Variants in PLEC observed in about 807,000 individuals in gnomAD.
PLEC encodes the protein hemidesmosomal protein 1.
PLEC carries 216 observed loss-of-function variants against 392.8 expected under a neutral mutation model. The ratio of observed to expected loss-of-function variants is 0.55; its 90% confidence interval spans 0.49 to 0.62. The LOEUF is 0.62. Among genes scored for constraint, PLEC ranks in the 20% least tolerant of loss-of-function variants. The pLI is 0.00. For synonymous variants in PLEC, 3,621 were observed against 2,980.6 expected, an observed-to-expected ratio of 1.21 and a Z score of -7.00; for missense variants, 6,863 against 6,563.4, an observed-to-expected ratio of 1.05 and a Z score of -1.58.
chr8:143,938,445 G>A (rs1269052596), intron 2 of PLEC, 186 bp downstream of exon 2: 43 of 1,541,074 alleles, frequency 2.8e-5, no homozygotes, highest in Non-Finnish European at 3.6e-5. Context: ...AAGACCAGAA[G>A]GAAGAGGAGG....
upstream of PLEC, chr8:143,953,718 G>A (rs1554738140): frequency 1.2e-6 from 2 of 1,611,010 alleles, no homozygotes; most frequent in Non-Finnish European, 1.7e-6. Flanking sequence ...CCGGCCCCAG[G>A]ACCGCACCTT....
Position 143,924,146 on chromosome 8 carries a change from A to G in PLEC, c.5783T>C (p.Leu1928Pro). ...CTTCTCGAAGCTCGCCTTCAGCGCC[A>G]GGATCTCCTCCTCCACCTGCCGCCG... ...RQRRQVEEEI[L>P]ALKASFEKAA... The change falls in exon 31 of 32, where the codon CTG becomes CCG. Residue 1928 changes from leucine (L) to proline (P), a missense_variant. Transcript: ENST00000345136. The G allele has an allele frequency of 6.3e-7, 1 of 1,598,614 alleles. No homozygotes were observed. The highest frequency in any genetic ancestry group is 8.5e-7 in the Non-Finnish European group (1 of 1,179,404).
At position 143,925,037 on chromosome 8, in the gene PLEC, A is replaced by C; in HGVS notation, c.4892T>G (p.Leu1631Arg). The change falls in exon 31 of 32, where the codon CTG becomes CGG. Residue 1631 changes from leucine to arginine, a missense_variant. By Grantham distance (102) the Leu-to-Arg change is moderately radical. Transcript: ENST00000345136. ...ERAREEAERE[L>R]ERWQLKANEA... ...GTTGGCCTTGAGCTGCCAGCGCTCC[A>C]GCTCCCGCTCTGCCTCCTCGCGCGC... is the stretch of plus-strand genomic sequence containing the variant. The C allele has an allele frequency of 6.4e-7, 1 of 1,559,658 alleles. No homozygotes were observed. Among genetic ancestry groups the C allele is most frequent in the Non-Finnish European group, 8.6e-7 (1 of 1,160,480 alleles).
chr8:143,920,064 C>G lies in PLEC; in HGVS notation c.9757G>C (p.Val3253Leu), dbSNP rs757046536. Reference sequence around the variant, plus strand: ...TACTCAGAGCTGATGAGCTCCCACACCGTCACCGTCCTGCCCTTGAAGCCA... The same window carrying G: ...TACTCAGAGCTGATGAGCTCCCACAGCGTCACCGTCCTGCCCTTGAAGCCA... ...VGGFKGRTVT[V>L]WELISSEYFT... Residue 3253 changes from valine (V) to leucine (L), a missense_variant, in exon 32 of 32, where the codon GTG (valine) becomes CTG (leucine). Physicochemically the swap from Val to Leu is conservative, Grantham distance 32. Coordinates refer to ENST00000345136, the MANE Select transcript of PLEC (RefSeq NM_201384.3). The G allele has an allele frequency of 1.2e-6, 2 of 1,613,298 alleles. No homozygotes were observed. Among genetic ancestry groups the G allele is most frequent in the South Asian group, 2.2e-5 (2 of 91,090 alleles).
At chr8:143,955,964 T>A (rs1356632037), upstream of PLEC, among the ~76,000 whole-genome samples, 1 of 127,674 alleles carries the variant, frequency 7.8e-6, no homozygotes, top group African/African-American at 3.3e-5. Flanking sequence ...TTTTTTTTTT[T>A]AACTGAGGCA....
Position 143,929,919 on chromosome 8 carries a change from C to G in PLEC, c.2739+17G>C. 6.2e-7 allele frequency: 1 copy of G among 1,607,746 alleles called. No individual in the cohort carries two copies. The highest frequency in any genetic ancestry group is 8.5e-7 in the Non-Finnish European group (1 of 1,179,278). On this transcript the variant is annotated intron_variant, in intron 22 of 31. Coordinates refer to ENST00000345136, the MANE Select transcript of PLEC (RefSeq NM_201384.3). ...CTCCTCCCACCCAGAGAGCCCCCGG[C>G]TCGGGGGCAGGCGTACCGTGGCCAG...
rs551294541 is a variant in PLEC at position 143,939,565 on chromosome 8, C to T, written c.-104G>A. 6.8e-5 allele frequency: 104 copies of T among 1,528,124 alleles called. No homozygotes were observed. The highest frequency in any genetic ancestry group is 2.5e-4 in the East Asian group (10 of 40,682). The allele number at this position is 1,528,124 out of a possible 1,614,324, so 94.7% of individuals were successfully genotyped here. A position where few individuals can be genotyped will look rare whatever the true frequency, so the allele number is the denominator to read the frequency against. The stretch of plus-strand genomic sequence containing the variant: ...GCTGAAGGCTGGCGGCCCCACGAGA[C>T]GCTCACTCGGCACAGGCTCAGCTCA... On this transcript the variant is annotated 5_prime_UTR_variant, in exon 1 of 32. Coordinates refer to ENST00000345136, the MANE Select transcript of PLEC (RefSeq NM_201384.3).
At chr8:143,968,480 G>A (rs1223232463) in intron 1 of PLEC, among the ~76,000 whole-genome samples, 1 of 132,778 alleles carries the variant, frequency 7.5e-6, no homozygotes, top group African/African-American at 3.0e-5. Context: ...TGAGGTACAA[G>A]AGTCACTTGA....
chr8:143,921,358 G>A lies in PLEC; in HGVS notation c.8463C>T (p.Ser2821=), dbSNP rs1436190264. 2 of 1,613,476 alleles carry A rather than the reference G, an allele frequency of 1.2e-6. No individual in the cohort carries two copies. Among genetic ancestry groups the A allele is most frequent in the Admixed American group, 3.3e-5 (2 of 59,980 alleles). The change falls in exon 32 of 32, where the codon AGC becomes AGT. Residue 2821 remains serine, a synonymous_variant. Transcript: ENST00000345136. ...ATGGVIDPVH[S]HRVPVDVAYR... ...AGGCCACGTCCACGGGCACGCGGTG[G>A]CTGTGCACGGGGTCGATAACGCCGC...
In PLEC at chr8:143,927,260, C is replaced by A; in HGVS notation, c.3832G>T (p.Ala1278Ser). 4 of 1,613,142 alleles carry A rather than the reference C, an allele frequency of 2.5e-6. No homozygotes were observed. Among genetic ancestry groups the A allele is most frequent in the Non-Finnish European group, 3.4e-6 (4 of 1,179,826 alleles). Residue 1278 changes from alanine (A) to serine (S), a missense_variant, in exon 28 of 32, where the codon GCC becomes TCC. By Grantham distance (99) the Ala-to-Ser change is moderately conservative. Transcript: ENST00000345136. Reference protein sequence around the residue: ...CQRFAKQYINAIKDYELQLVT... With the variant: ...CQRFAKQYINSIKDYELQLVT... ...AGGCGGCTGGGCCTCACCTTGATGG[C>A]GTTGATGTACTGTTTCGCAAACCTC...
Position 143,923,972 on chromosome 8 carries a change from G to C in PLEC, c.5957C>G (p.Ala1986Gly). 1 of 1,584,356 alleles carries C rather than the reference G, an allele frequency of 6.3e-7. No individual in the cohort carries two copies. The highest frequency in any genetic ancestry group is 8.5e-7 in the Non-Finnish European group (1 of 1,171,648). Reference protein sequence around the residue: ...AAEEERRRREAEERVQKSLAA... With the variant: ...AAEEERRRREGEERVQKSLAA... ...CAGGCTCTTCTGCACGCGCTCCTCAGCCTCACGGCGCCGCCGCTCCTCCTC... is the reference window on the plus strand; with the variant it reads ...CAGGCTCTTCTGCACGCGCTCCTCACCCTCACGGCGCCGCCGCTCCTCCTC... Residue 1986 changes from alanine to glycine, a missense_variant, in exon 31 of 32, where the codon GCT becomes GGT. Ala to Gly is a moderately conservative substitution (Grantham distance 60). Transcript: ENST00000345136.
intron 1 of PLEC, among the ~76,000 whole-genome samples, chr8:143,945,480 C>T (rs1330317699): frequency 6.6e-6 from 1 of 152,224 alleles, no homozygotes; most frequent in African/African-American, 2.4e-5. Flanking sequence ...ACGCACAGTC[C>T]TGCTCCTCTT....
chr8:143,975,134 T>C (rs1554745585), upstream of PLEC: 1 of 1,586,202 alleles, frequency 6.3e-7, no homozygotes, highest in Admixed American at 1.7e-5. The surrounding 1 kb of genome is among the most constrained non-coding windows in gnomAD (Gnocchi z 9.9). Context: ...TCAGTCAACC[T>C]CGCGTGCCAA....
chr8:143,967,740 G>C (rs1554742750), intron 1 of PLEC, among the ~76,000 whole-genome samples: 2 of 152,116 alleles, frequency 1.3e-5, no homozygotes, highest in African/African-American at 4.8e-5. Context: ...AGGAGTTTAA[G>C]ACCAGCCTGG....
rs1554696802 is a variant in PLEC at position 143,924,350 on chromosome 8, T to A, written c.5579A>T (p.Glu1860Val). The A allele has an allele frequency of 1.9e-6, 3 of 1,597,026 alleles. No homozygotes were observed. Among genetic ancestry groups the A allele is most frequent in the Non-Finnish European group, 2.5e-6 (3 of 1,178,752 alleles). The change falls in exon 31 of 32, where the codon GAG becomes GTG. Residue 1860 changes from glutamate to valine, a missense_variant. Glu to Val is a moderately radical substitution (Grantham distance 121, BLOSUM62 -2). Transcript: ENST00000345136. Reference sequence around the variant, plus strand: ...CCGCCGCAGGCGCTCGTTCTCCGCCTCCTTCTCCTTGAGCGCGATCTCCGC... The same window carrying A: ...CCGCCGCAGGCGCTCGTTCTCCGCCACCTTCTCCTTGAGCGCGATCTCCGC... ...TEAEIALKEKEAENERLRRLA... is the reference protein window; with the variant it reads ...TEAEIALKEKVAENERLRRLA...
upstream of PLEC, among the ~76,000 whole-genome samples, chr8:143,952,476 G>A (rs1832288665): frequency 6.6e-6 from 1 of 152,086 alleles, no homozygotes; most frequent in Non-Finnish European, 1.5e-5. Flanking sequence ...TTGTGGCTTT[G>A]GGAACAACAC....
intron 21 of PLEC, 25 bp from the exon 22 acceptor site, chr8:143,930,087 C>T (rs748732680): frequency 3.2e-5 from 51 of 1,605,696 alleles, no homozygotes; most frequent in South Asian, 6.6e-5. Context: ...CTACAGTCAG[C>T]GTCACCAGCG....
At chr8:143,966,276 C>A (rs1833086359) in intron 1 of PLEC, among the ~76,000 whole-genome samples, 1 of 152,228 alleles carries the variant, frequency 6.6e-6, no homozygotes, top group Non-Finnish European at 1.5e-5. Context: ...GGCACCTAAG[C>A]TCTGGAGGAC....
Position 143,946,434 on chromosome 8 carries a change from G to A in PLEC, c.523+3750C>T, listed in dbSNP as rs1554732278. Reference sequence around the variant, plus strand: ...AGGCTGCTCCGAGAGCCGGCAGGGAGGAAGGCGAGGCAGGAAGGAGGGAAG... The same window carrying A: ...AGGCTGCTCCGAGAGCCGGCAGGGAAGAAGGCGAGGCAGGAAGGAGGGAAG... On this transcript the variant is annotated intron_variant, in intron 1 of 31. Transcript: ENST00000322810. The A allele has an allele frequency of 3.9e-6, 5 of 1,283,334 alleles. No homozygotes were observed. In the South Asian group the frequency reaches 5.0e-5, roughly 13 times the overall value. The allele number at this position is 1,283,334 out of a possible 1,614,324, so 79.5% of individuals were successfully genotyped here.
Sources: gnomAD v4.1 joint callset for allele counts (sites outside exome capture counted in the v4.1 genomes callset) on GRCh38, gnomAD v4.1.1 for gene constraint, Gnocchi (gnomAD v3.1) non-coding constraint, MANE v1.5 for transcripts, NCBI Gene and HGNC (gene_info 2026-07-23, HGNC 2026-07-21) for gene names.